The following TRIM5 variants were observed in gnomAD, a reference collection of about 807,000 sequenced individuals.
TRIM5 encodes tripartite motif containing 5.
A neutral mutation model predicts 35.6 loss-of-function variants in TRIM5; 31 were observed. The observed-to-expected ratio is 0.87, with a 90% CI of 0.65 to 1.18. The LOEUF (loss-of-function observed/expected upper bound fraction) is 1.18. Ranked by LOEUF, TRIM5 falls within the 50% of genes most tolerant of loss-of-function variation. The pLI, the probability that TRIM5 is intolerant of heterozygous loss-of-function variation, is 0.00. For missense variants in TRIM5, 609 were observed against 591.6 expected, an observed-to-expected ratio of 1.03 and a Z score of -0.31; for synonymous variants, 243 against 215.6, an observed-to-expected ratio of 1.13 and a Z score of -1.11.
the TRIM5 span, among the ~76,000 whole-genome samples, chr11:5,615,308 T>C: frequency 6.6e-6 from 1 of 152,350 alleles, no homozygotes; most frequent in Middle Eastern, 3.4e-3. Flanking sequence ...ATCTTCTGTA[T>C]CTTTACTGCT....
chr11:5,643,934 C>A, the TRIM5 span: 5 of 582,822 alleles, frequency 8.6e-6, no homozygotes, highest in Non-Finnish European at 1.4e-5. Context: ...CCTAAAGACA[C>A]AGCAGTATGG....
At chr11:5,684,621 A>G (rs1852872879) in intron 1 of TRIM5, among the ~76,000 whole-genome samples, 1 of 152,142 alleles carries the variant, frequency 6.6e-6, no homozygotes, top group Non-Finnish European at 1.5e-5. Flanking sequence ...TGAAAGAGAG[A>G]ATTCTGGCTC....
At chr11:5,657,464 T>C in the TRIM5 span, among the ~76,000 whole-genome samples, 79 of 141,352 alleles carry the variant, frequency 5.6e-4, no homozygotes, top group Admixed American at 9.1e-4. Flanking sequence ...TGTATATATA[T>C]ATAAAATATT....
At chr11:5,635,836 C>T in the TRIM5 span, among the ~76,000 whole-genome samples, 2 of 152,016 alleles carry the variant, frequency 1.3e-5, no homozygotes, top group Admixed American at 1.3e-4. Context: ...GGTTCCTAAA[C>T]GTATTTTACA....
the TRIM5 span, among the ~76,000 whole-genome samples, chr11:5,592,924 AAAAAAAG>A: frequency 1.2e-4 from 15 of 129,060 alleles, no homozygotes; most frequent in South Asian, 7.0e-4. Context: ...CAAAAAAAAA[AAAAAAAG>A]AAAAAAGAAA....
At chr11:5,605,235 T>A in the TRIM5 span, 1 of 1,514,298 alleles carries the variant, frequency 6.6e-7, no homozygotes, top group Non-Finnish European at 9.1e-7. Flanking sequence ...CCTGGGAGGC[T>A]TGGCCCAGGA....
At chr11:5,665,484 C>T in intron 7 of TRIM5, 89 bp from the exon 8 acceptor site, 2 of 1,542,880 alleles carry the variant, frequency 1.3e-6, no homozygotes, top group Non-Finnish European at 1.7e-6. Context: ...TGAGAGAAAA[C>T]TGGGAGGAAC....
At position 5,664,164 on chromosome 11, in the gene TRIM5, G is replaced by A; in HGVS notation, c.*645C>T. The A allele has an allele frequency of 1.3e-6, 1 of 796,076 alleles. No homozygotes were observed. The highest frequency in any genetic ancestry group is 1.5e-6 in the Non-Finnish European group (1 of 667,688). 49.3% of individuals were successfully genotyped at this position (796,076 alleles called of 1,614,324 possible). Reference sequence around the variant, plus strand: ...TGCAGTGAACCGAGATCGTGCCATTGCACTCCAGCCTGGGGAACAAGAGCA... The same window carrying A: ...TGCAGTGAACCGAGATCGTGCCATTACACTCCAGCCTGGGGAACAAGAGCA... On this transcript the variant is annotated 3_prime_UTR_variant, in exon 8 of 8. Transcript: ENST00000380034.
chr11:5,667,821 C>T (rs1014416592), intron 4 of TRIM5, 110 bp from the exon 5 acceptor site: 3 of 1,226,878 alleles, frequency 2.4e-6, no homozygotes, highest in Non-Finnish European at 3.4e-6. Flanking sequence ...GAGATGGTGA[C>T]AGTGTGAAAG....
the TRIM5 span, among the ~76,000 whole-genome samples, chr11:5,632,025 G>T: frequency 6.6e-6 from 1 of 152,140 alleles, no homozygotes; most frequent in Admixed American, 6.5e-5. Context: ...AAGTATAAAC[G>T]AAAGTCATGC....
chr11:5,681,684 T>G (rs939199688), intron 1 of TRIM5, among the ~76,000 whole-genome samples: 1 of 136,738 alleles, frequency 7.3e-6, no homozygotes, highest in African/African-American at 3.0e-5. Context: ...TCCTAATCGA[T>G]TCCTTCGTTA....
chr11:5,642,900 G>A, the TRIM5 span: 1 of 1,605,204 alleles, frequency 6.2e-7, no homozygotes, highest in Non-Finnish European at 8.5e-7. Context: ...AGAAGTTTAT[G>A]GTTTCAATGA....
chr11:5,617,654 A>C, the TRIM5 span, among the ~76,000 whole-genome samples: 1 of 141,846 alleles, frequency 7.0e-6, no homozygotes, highest in Non-Finnish European at 1.5e-5. Context: ...ACGCCTGTCT[A>C]ATTTTTGTGT....
the TRIM5 span, among the ~76,000 whole-genome samples, chr11:5,607,580 A>C: frequency 6.6e-6 from 1 of 152,250 alleles, no homozygotes; most frequent in East Asian, 1.9e-4. Flanking sequence ...CACAGAAATG[A>C]GACTAGCAGT....
rs372681335 is a variant in TRIM5, at chr11:5,664,978, A to G, written c.1313T>C (p.Val438Ala). The G allele has an allele frequency of 1.9e-6, 3 of 1,614,094 alleles. No individual in the cohort carries two copies. Among genetic ancestry groups the G allele is most frequent in the Non-Finnish European group, 2.5e-6 (3 of 1,180,040 alleles). Residue 438 changes from valine to alanine, a missense_variant, in exon 8 of 8, where the codon GTT becomes GCT. Coordinates refer to ENST00000380034, the MANE Select transcript of TRIM5 (RefSeq NM_033034.3). ...AGCCTCATAGTCTAGGAAAACTCCA[A>G]CACGATCAGGACAAATAATCACAGA... ...PLSVIICPDR[V>A]GVFLDYEACT...
the TRIM5 span, among the ~76,000 whole-genome samples, chr11:5,647,948 C>G: frequency 2.0e-5 from 3 of 152,146 alleles, no homozygotes; most frequent in Admixed American, 6.5e-5. Flanking sequence ...GACTCTCCAC[C>G]ACCCAAATTT....
At chr11:5,660,916 C>A (rs985676477), downstream of TRIM5, among the ~76,000 whole-genome samples, 2 of 151,352 alleles carry the variant, frequency 1.3e-5, no homozygotes, top group African/African-American at 4.9e-5. Context: ...GTGGCAGGTG[C>A]CTGTAGTGCC....
intron 4 of TRIM5, among the ~76,000 whole-genome samples, chr11:5,674,440 C>T (rs891208606): frequency 6.6e-6 from 1 of 152,228 alleles, no homozygotes; most frequent in Admixed American, 6.5e-5. Context: ...TTTCACCCCT[C>T]TTACAACTCT....
At chr11:5,605,059 T>C in the TRIM5 span, 2 of 498,272 alleles carry the variant, frequency 4.0e-6, no homozygotes. Context: ...GATGCAGAGG[T>C]GAGGGAGGCT....
Sources: gnomAD v4.1 joint callset for allele counts (sites outside exome capture counted in the v4.1 genomes callset) on GRCh38, gnomAD v4.1.1 for gene constraint, MANE v1.5 for transcripts, NCBI Gene and HGNC (gene_info 2026-07-23, HGNC 2026-07-21) for gene names.